Variants in PTPRO observed in about 807,000 individuals in gnomAD.
The protein encoded by PTPRO is protein tyrosine phosphatase receptor type O.
In PTPRO, 62 loss-of-function variants were observed where a neutral mutation model predicts 145.2. The ratio of observed to expected loss-of-function variants is 0.43; its 90% CI spans 0.35 to 0.53. The LOEUF (loss-of-function observed/expected upper bound fraction) is 0.53. Among genes scored for constraint, PTPRO ranks in the 20% least tolerant of loss-of-function variants. The pLI is 0.01. For synonymous variants in PTPRO, 565 were observed against 514.7 expected (o/e 1.10, Z -1.32); for missense variants, 1,345 against 1,482.7 (o/e 0.91, Z 1.53).
chr12:15,595,185 G>T, intron 26 of PTPRO, 128 bp downstream of exon 26: 1 of 706,722 alleles, frequency 1.4e-6, no homozygotes. Flanking sequence ...TTTCTTCCCA[G>T]CTCCTGGCCT....
In PTPRO at chr12:15,526,132, G is replaced by A. The variant is rs760180239; in HGVS notation, c.2044-10G>A. On this transcript the variant is annotated splice_polypyrimidine_tract_variant and intron_variant, in intron 11 of 26. Coordinates refer to ENST00000281171, the MANE Select transcript of PTPRO (RefSeq NM_030667.3). ...AAAAGTTTAAACCCTTGATTTTGAT[G>A]ATCTTGCAGGTAACACGCAATGTCA... 6.2e-7 allele frequency: 1 copy of A among 1,613,876 alleles called. No individual in the cohort carries two copies. The highest frequency in any genetic ancestry group is 2.2e-5 in the East Asian group (1 of 44,856).
intron 1 of PTPRO, among the ~76,000 whole-genome samples, chr12:15,468,314 G>C (rs1259117714): frequency 6.6e-6 from 1 of 152,180 alleles, no homozygotes; most frequent in African/African-American, 2.4e-5. Flanking sequence ...CCACACCCCT[G>C]CTGAATAACC....
At chr12:15,570,265 G>C (rs1003439164) in intron 19 of PTPRO, among the ~76,000 whole-genome samples, 3 of 150,030 alleles carry the variant, frequency 2.0e-5, no homozygotes, top group Non-Finnish European at 4.4e-5. Context: ...AGCATGGCTT[G>C]AGTGGTCAGT....
At chr12:15,556,102 T>C in intron 15 of PTPRO, among the ~76,000 whole-genome samples, 1 of 152,216 alleles carries the variant, frequency 6.6e-6, no homozygotes, top group Non-Finnish European at 1.5e-5. Flanking sequence ...AATAAATATG[T>C]ACCCTTTTCC....
chr12:15,447,754 GT>G (rs1453343131), intron 1 of PTPRO, among the ~76,000 whole-genome samples: 7 of 34,874 alleles, frequency 2.0e-4, no homozygotes, highest in Non-Finnish European at 3.7e-4. Context: ...GCATCTTATA[GT>G]CTTTGAACAA....
intron 1 of PTPRO, among the ~76,000 whole-genome samples, chr12:15,444,929 T>C (rs1308098244): frequency 6.6e-6 from 1 of 152,182 alleles, no homozygotes; most frequent in Non-Finnish European, 1.5e-5. Context: ...AGTCTTTGAA[T>C]AGTAATGACT....
intron 7 of PTPRO, among the ~76,000 whole-genome samples, chr12:15,514,085 A>G (rs1942523233): frequency 6.6e-6 from 1 of 152,214 alleles, no homozygotes; most frequent in Non-Finnish European, 1.5e-5. Flanking sequence ...AATTTAATAA[A>G]TGCATTTTAT....
Position 15,586,928 on chromosome 12 carries a change from A to C in PTPRO, c.3287A>C (p.Asn1096Thr). The change falls in exon 24 of 27, where the codon AAC (asparagine) becomes ACC (threonine). Residue 1096 changes from asparagine to threonine, a missense_variant. Asn to Thr is a moderately conservative substitution (Grantham distance 65). Transcript: ENST00000281171. Reference protein sequence around the residue: ...ADEMQDVMHFNYTAWPDHGVP... With the variant: ...ADEMQDVMHFTYTAWPDHGVP... The stretch of plus-strand genomic sequence containing the variant: ...GAGATGCAGGATGTGATGCATTTTA[A>C]CTACACTGCATGGCCTGATCATGGT... The C allele has an allele frequency of 6.2e-7, 1 of 1,614,058 alleles. No homozygotes were observed. Among genetic ancestry groups the C allele is most frequent in the Non-Finnish European group, 8.5e-7 (1 of 1,179,986 alleles).
chr12:15,459,706 C>A (rs925417768), intron 1 of PTPRO, among the ~76,000 whole-genome samples: 2 of 152,180 alleles, frequency 1.3e-5, no homozygotes, highest in Non-Finnish European at 2.9e-5. Flanking sequence ...ATGTTACTGT[C>A]CTCTAATTCT....
At chr12:15,585,297 T>G (rs531327372) in intron 23 of PTPRO, among the ~76,000 whole-genome samples, 1 of 152,326 alleles carries the variant, frequency 6.6e-6, no homozygotes, top group East Asian at 1.9e-4. Context: ...TAAATCCTCA[T>G]GATGTTGAAT....
chr12:15,324,039 T>C (rs180967154), intron 1 of PTPRO, among the ~76,000 whole-genome samples: 2 of 152,312 alleles, frequency 1.3e-5, no homozygotes, highest in Non-Finnish European at 2.9e-5. Flanking sequence ...TCAATAATCA[T>C]TAATTTTAAA....
intron 2 of PTPRO, among the ~76,000 whole-genome samples, chr12:15,486,472 C>T (rs1260970884): frequency 6.6e-6 from 1 of 151,182 alleles, no homozygotes; most frequent in Admixed American, 6.6e-5. Flanking sequence ...TTGAGTCTTG[C>T]TTTTTTTTTC....
At chr12:15,558,189 C>T (rs1943687269) in intron 16 of PTPRO, among the ~76,000 whole-genome samples, 1 of 152,140 alleles carries the variant, frequency 6.6e-6, no homozygotes, top group South Asian at 2.1e-4. Context: ...CCACCTCGGC[C>T]TCCCAAAGTG....
At chr12:15,460,898 A>G (rs971383010) in intron 1 of PTPRO, among the ~76,000 whole-genome samples, 1 of 152,094 alleles carries the variant, frequency 6.6e-6, no homozygotes, top group Admixed American at 6.6e-5. Flanking sequence ...TCTTTAATAG[A>G]TCTCTCCTTG....
chr12:15,329,374 C>T (rs550174399), intron 1 of PTPRO, among the ~76,000 whole-genome samples: 1 of 152,312 alleles, frequency 6.6e-6, no homozygotes, highest in African/African-American at 2.4e-5. Context: ...CTATCTGAAG[C>T]CTGATTCCCA....
At chr12:15,497,201 TCTC>T in intron 2 of PTPRO, 41 bp from the exon 3 acceptor site, 1 of 1,504,224 alleles carries the variant, frequency 6.6e-7, no homozygotes, top group Non-Finnish European at 9.2e-7. Flanking sequence ...GGCCTTTCTC[TCTC>T]CTCTTTCTTT....
intron 1 of PTPRO, among the ~76,000 whole-genome samples, chr12:15,460,299 GTGGAATT>G (rs1347580565): frequency 6.6e-6 from 1 of 152,150 alleles, no homozygotes; most frequent in Non-Finnish European, 1.5e-5. Context: ...TATTAGAAAT[GTGGAATT>G]GCAGGCCGTA....
chr12:15,580,929 T>A (rs1591764740), intron 22 of PTPRO, 98 bp downstream of exon 22: 1 of 1,487,768 alleles, frequency 6.7e-7, no homozygotes, highest in Non-Finnish European at 9.3e-7. Context: ...AAATAAAACA[T>A]AGAGACAAAT....
intron 3 of PTPRO, among the ~76,000 whole-genome samples, 198 bp downstream of exon 3, chr12:15,497,601 C>T (rs1320022829): frequency 6.6e-6 from 1 of 152,180 alleles, no homozygotes; most frequent in Admixed American, 6.5e-5. Flanking sequence ...ACTTGAGAGT[C>T]GTGTGTCATG....
Sources: gnomAD v4.1 joint callset for allele counts (sites outside exome capture counted in the v4.1 genomes callset) on GRCh38, gnomAD v4.1.1 for gene constraint, MANE v1.5 for transcripts, NCBI Gene and HGNC (gene_info 2026-07-23, HGNC 2026-07-21) for gene names.